The following ROBO2 variants were observed in gnomAD, a reference collection of about 807,000 sequenced individuals.
ROBO2 encodes roundabout homolog 2.
A neutral mutation model predicts 160.8 loss-of-function variants in ROBO2; 53 were observed. That is an observed-to-expected ratio of 0.33 (90% CI 0.26 to 0.41). The LOEUF is 0.41. ROBO2 is among the 10% of genes least tolerant of loss of function. ROBO2 has a pLI of 1.00. For synonymous variants in ROBO2, 664 were observed against 611.7 expected (o/e 1.09, Z -1.26); for missense variants, 1,577 against 1,722.4 (o/e 0.92, Z 1.49).
chr3:77,544,371 C>G (rs1254033374), intron 6 of ROBO2, among the ~76,000 whole-genome samples: 1 of 148,142 alleles, frequency 6.8e-6, no homozygotes, highest in Non-Finnish European at 1.5e-5. Flanking sequence ...CAAACAGATT[C>G]ATAAATCTGG....
At chr3:77,306,489 G>C (rs906678540) in intron 2 of ROBO2, among the ~76,000 whole-genome samples, 7 of 152,020 alleles carry the variant, frequency 4.6e-5, no homozygotes, top group Non-Finnish European at 1.0e-4. Context: ...AAACAAAAGT[G>C]TTTCTTCTAT....
At chr3:77,056,226 G>T (rs971265491) in intron 1 of ROBO2, among the ~76,000 whole-genome samples, 2 of 152,136 alleles carry the variant, frequency 1.3e-5, no homozygotes, top group African/African-American at 4.8e-5. Context: ...CTCTAATGTA[G>T]CTAAGACTTT....
rs534354592 is a variant in ROBO2 at position 76,614,324 on chromosome 3, C to T, written c.110-483690C>T. 7.2e-5 allele frequency among the ~76,000 whole-genome samples: 11 copies of T among 152,142 alleles called. No homozygotes were observed. In the South Asian group the frequency reaches 1.9e-3, roughly 26 times the overall value. ...GTGATCAATAGAAATAATATCAAAT[C>T]GAGCACTGGAAAGTCCTTTTCACAT... On this transcript the variant is annotated intron_variant, in intron 2 of 26. Transcript: ENST00000487694.
intron 2 of ROBO2, among the ~76,000 whole-genome samples, chr3:77,118,082 G>C (rs1443155359): frequency 1.3e-5 from 2 of 152,132 alleles, no homozygotes; most frequent in Non-Finnish European, 2.9e-5. Context: ...ATATAATGTG[G>C]CAATATTACA....
chr3:77,240,438 A>G (rs941154933), intron 2 of ROBO2, among the ~76,000 whole-genome samples: 6 of 152,148 alleles, frequency 3.9e-5, no homozygotes, highest in African/African-American at 1.4e-4. Flanking sequence ...ATTGCCGCAC[A>G]CAGCCCGGGT....
At chr3:77,326,030 A>G (rs972638351) in intron 2 of ROBO2, among the ~76,000 whole-genome samples, 1 of 152,166 alleles carries the variant, frequency 6.6e-6, no homozygotes, top group African/African-American at 2.4e-5. Flanking sequence ...TTTAGAAAAC[A>G]TTTGCTCATT....
intron 2 of ROBO2, among the ~76,000 whole-genome samples, chr3:76,396,196 A>T (rs1425208055): frequency 1.3e-5 from 2 of 152,210 alleles, no homozygotes; most frequent in Admixed American, 1.3e-4. Flanking sequence ...GTAATCCAGC[A>T]TATAAACAGA....
intron 2 of ROBO2, among the ~76,000 whole-genome samples, chr3:77,214,756 C>T (rs1004210330): frequency 2.6e-5 from 4 of 151,510 alleles, no homozygotes; most frequent in Admixed American, 2.0e-4. Context: ...CCTTCAGGAG[C>T]TCTTTTAGGG....
intron 2 of ROBO2, among the ~76,000 whole-genome samples, chr3:76,829,438 C>T (rs933307132): frequency 9.2e-5 from 14 of 151,876 alleles, no homozygotes; most frequent in African/African-American, 2.9e-4. Context: ...TGTAATAAAC[C>T]TGCACATTCT....
intron 2 of ROBO2, among the ~76,000 whole-genome samples, chr3:76,456,424 C>G (rs902906903): frequency 6.6e-6 from 1 of 152,160 alleles, no homozygotes; most frequent in African/African-American, 2.4e-5. Flanking sequence ...TCAGGTTTCT[C>G]AAACTGACTA....
At chr3:77,160,335 GATA>G (rs2078372268) in intron 2 of ROBO2, among the ~76,000 whole-genome samples, 1 of 151,812 alleles carries the variant, frequency 6.6e-6, no homozygotes, top group South Asian at 2.1e-4. Context: ...AAGAAAGAAT[GATA>G]ATTATTTTAT....
At chr3:76,791,720 T>C (rs2063365201) in intron 2 of ROBO2, among the ~76,000 whole-genome samples, 1 of 151,824 alleles carries the variant, frequency 6.6e-6, no homozygotes, top group Non-Finnish European at 1.5e-5. Context: ...TGAGATGATA[T>C]CTGGCTTTAA....
intron 2 of ROBO2, among the ~76,000 whole-genome samples, chr3:75,991,644 G>T (rs1559811579): frequency 6.6e-6 from 1 of 152,088 alleles, no homozygotes; most frequent in Non-Finnish European, 1.5e-5. Context: ...CAGTAGAGTG[G>T]AGTGTTGCTG....
intron 2 of ROBO2, among the ~76,000 whole-genome samples, chr3:77,152,408 C>A (rs2077623305): frequency 6.6e-6 from 1 of 152,150 alleles, no homozygotes; most frequent in Admixed American, 6.5e-5. Flanking sequence ...TATACTGAAT[C>A]TTTGAAACCC....
intron 2 of ROBO2, among the ~76,000 whole-genome samples, chr3:76,141,464 T>C (rs1482994849): frequency 6.6e-6 from 1 of 151,274 alleles, no homozygotes; most frequent in African/African-American, 2.4e-5. Context: ...GTTTAAAAAG[T>C]ATTAGAGACA....
intron 2 of ROBO2, among the ~76,000 whole-genome samples, chr3:76,267,530 T>G (rs1333540439): frequency 6.6e-6 from 1 of 152,164 alleles, no homozygotes; most frequent in Non-Finnish European, 1.5e-5. Context: ...TGCAATTTAA[T>G]TATGCTATCA....
intron 2 of ROBO2, among the ~76,000 whole-genome samples, chr3:77,239,183 T>A (rs1452721707): frequency 2.6e-5 from 4 of 152,126 alleles, no homozygotes; most frequent in Admixed American, 2.6e-4. Flanking sequence ...TGTCCGCAGT[T>A]TGTTCCTTCT....
intron 2 of ROBO2, among the ~76,000 whole-genome samples, chr3:77,256,586 A>T (rs570241697): frequency 6.6e-6 from 1 of 152,328 alleles, no homozygotes; most frequent in African/African-American, 2.4e-5. Flanking sequence ...ATATCTTAAT[A>T]AACCTGCAAG....
intron 2 of ROBO2, among the ~76,000 whole-genome samples, chr3:77,402,983 A>G (rs1162856827): frequency 2.0e-5 from 3 of 152,082 alleles, no homozygotes; most frequent in Non-Finnish European, 4.4e-5. Context: ...TTGAATTCCT[A>G]TTTCTGAGGA....
Sources: allele counts gnomAD v4.1 joint callset (sites outside exome capture counted in the v4.1 genomes callset), GRCh38; gene constraint gnomAD v4.1.1; transcripts MANE v1.5; gene names NCBI Gene and HGNC (gene_info 2026-07-23, HGNC 2026-07-21).